Variants in DECR2 observed in about 807,000 individuals in gnomAD.
DECR2 encodes peroxisomal 2,4-dienoyl-CoA reductase [(3E)-enoyl-CoA-producing].
DECR2 carries 34 observed loss-of-function variants against 29.2 expected under a neutral mutation model. The observed-to-expected ratio is 1.16, with a 90% CI of 0.89 to 1.55. The LOEUF (loss-of-function observed/expected upper bound fraction) is 1.55, where lower values mean the gene tolerates loss of function less well. DECR2 is among the 40% of genes most tolerant of loss of function. DECR2 has a pLI of 0.00. For synonymous variants in DECR2, 224 were observed against 182.7 expected (o/e 1.23, Z -1.82); for missense variants, 485 against 425.3 (o/e 1.14, Z -1.23).
intron 3 of DECR2, chr16:407,091 G>A (rs1464345186): frequency 4.4e-6 from 5 of 1,124,244 alleles, no homozygotes; most frequent in African/African-American, 1.6e-5. Context: ...TGGTCCGTGC[G>A]TCCCACCTAC....
chr16:410,484 T>G lies in DECR2; in HGVS notation c.462+117T>G. Reference sequence around the variant, plus strand: ...TCTGTGAGAAGTTCTTCCGGGTGGGTGTACTCCCAGCGGGGGCCTCCCCCT... The same window carrying G: ...TCTGTGAGAAGTTCTTCCGGGTGGGGGTACTCCCAGCGGGGGCCTCCCCCT... On this transcript the variant is annotated intron_variant, in intron 5 of 8. Coordinates refer to ENST00000219481, the MANE Select transcript of DECR2 (RefSeq NM_020664.4). This position sits in a 1 kb window ranked among gnomAD's most constrained non-coding sequence, Gnocchi z 4.1. The G allele has an allele frequency of 4.8e-6, 7 of 1,466,724 alleles. No individual in the cohort carries two copies. The highest frequency in any genetic ancestry group is 3.8e-5 in the South Asian group (3 of 78,766). The allele number at this position is 1,466,724 out of a possible 1,614,324, so 90.9% of individuals were successfully genotyped here. A position where few individuals can be genotyped will look rare whatever the true frequency, so the allele number is the denominator to read the frequency against.
In DECR2 at chr16:406,571, C is replaced by T. The variant is rs933100016; in HGVS notation, c.201+174C>T. On this transcript the variant is annotated intron_variant, in intron 3 of 8. Transcript: ENST00000219481. ...GAAGTGTGGTGGTGCGATCTCGGCT[C>T]ACTGCAGCCTCCACCTCCCAGGATC... 2.2e-5 allele frequency: 15 copies of T among 671,402 alleles called. No individual in the cohort carries two copies. In the East Asian group the frequency reaches 3.1e-4, roughly 14 times the overall value. 41.6% of individuals were successfully genotyped at this position (671,402 alleles called of 1,614,324 possible).
intron 4 of DECR2, among the ~76,000 whole-genome samples, chr16:408,151 G>A (rs112983360): frequency 0.011 from 436 of 41,366 alleles, 104 homozygotes; most frequent in African/African-American, 0.032. Context: ...CTCTGTCTCC[G>A]GCCCCCTGTC....
chr16:409,091 G>A (rs926848757), intron 4 of DECR2, among the ~76,000 whole-genome samples: 2 of 151,018 alleles, frequency 1.3e-5, no homozygotes, highest in Non-Finnish European at 1.5e-5. Context: ...CTTGGCTTCC[G>A]AAAGTGCTGG....
chr16:407,636 A>ATGGGG, intron 4 of DECR2, 76 bp downstream of exon 4: 1 of 1,580,946 alleles, frequency 6.3e-7, no homozygotes, highest in South Asian at 1.2e-5. Context: ...AACTCTGGTC[A>ATGGGG]TGGGGTGGGG....
At chr16:411,660 C>A in intron 8 of DECR2, 82 bp downstream of exon 8, 1 of 1,441,362 alleles carries the variant, frequency 6.9e-7, no homozygotes. Flanking sequence ...GCGGGACCCA[C>A]GGGGCTGGCG....
chr16:402,123 A>T, intron 1 of DECR2, 80 bp downstream of exon 1: 1 of 1,161,764 alleles, frequency 8.6e-7, no homozygotes, highest in Non-Finnish European at 1.1e-6. Context: ...GTGGTCCCCG[A>T]GGGCTCGCGT....
Position 410,402 on chromosome 16 carries a change from C to T in DECR2, c.462+35C>T, listed in dbSNP as rs369453909. ...TCGTGCGCTCTGTGAGAAGTTCTTC[C>T]GGGTGGGTGCCTCGTGCGCTCTGTG... is the stretch of plus-strand genomic sequence containing the variant. On this transcript the variant is annotated intron_variant, in intron 5 of 8. Coordinates refer to ENST00000219481, the MANE Select transcript of DECR2 (RefSeq NM_020664.4). This position sits in a 1 kb window ranked among gnomAD's most constrained non-coding sequence, Gnocchi z 4.1. 42 of 1,593,008 alleles carry T rather than the reference C, an allele frequency of 2.6e-5. No individual in the cohort carries two copies. Among genetic ancestry groups the T allele is most frequent in the Admixed American group, 2.0e-4 (12 of 59,600 alleles).
chr16:405,475 AAG>A (rs1349932131), intron 2 of DECR2: 1 of 1,250,844 alleles, frequency 8.0e-7, no homozygotes, highest in Non-Finnish European at 1.0e-6. Context: ...GTCCCACAGG[AAG>A]AGATATGGCC....
rs962153555 is a variant in DECR2 at position 402,063 on chromosome 16, C to T, written c.80+20C>T. 6 of 1,354,570 alleles carry T rather than the reference C, an allele frequency of 4.4e-6. No individual in the cohort carries two copies. The highest frequency in any genetic ancestry group is 3.5e-5 in the Admixed American group (1 of 28,904). 83.9% of individuals were successfully genotyped at this position (1,354,570 alleles called of 1,614,324 possible). On this transcript the variant is annotated intron_variant, in intron 1 of 8. Coordinates refer to ENST00000219481, the MANE Select transcript of DECR2 (RefSeq NM_020664.4). Reference sequence around the variant, plus strand: ...GCTGCGGTGAGCGGGGCCTGGGAAGCGAGCGCAGCCTTGGTGCGGGGTCCG... The same window carrying T: ...GCTGCGGTGAGCGGGGCCTGGGAAGTGAGCGCAGCCTTGGTGCGGGGTCCG...
intron 2 of DECR2, chr16:405,707 G>A (rs916152740): frequency 7.1e-5 from 66 of 924,600 alleles, no homozygotes; most frequent in Non-Finnish European, 9.6e-5. Flanking sequence ...CGTAGTCTTG[G>A]GTGGCTGTGA....
At position 401,902 on chromosome 16, in the gene DECR2, C is replaced by T. The variant is rs962052332; in HGVS notation, c.-62C>T. The T allele has an allele frequency of 2.9e-6, 4 of 1,390,290 alleles. No homozygotes were observed. Among genetic ancestry groups the T allele is most frequent in the African/African-American group, 1.5e-5 (1 of 66,262 alleles). The allele number at this position is 1,390,290 out of a possible 1,614,324, so 86.1% of individuals were successfully genotyped here. ...TTCCAGGCGAGTTCGCAGCTGCGCG[C>T]CGGGTCCTGGAGGCCGAGGCCGCTC... On this transcript the variant is annotated 5_prime_UTR_variant, in exon 1 of 9. Transcript: ENST00000219481.
intron 8 of DECR2, 139 bp downstream of exon 8, chr16:411,717 C>A: frequency 1.1e-6 from 1 of 938,658 alleles, no homozygotes. Flanking sequence ...CCTGCCCACA[C>A]ATGGGTGCTG....
rs750079467 is a variant in DECR2 at position 406,337 on chromosome 16, G to A, written c.150-9G>A. 8.7e-6 allele frequency: 14 copies of A among 1,606,442 alleles called. No individual in the cohort carries two copies. Among genetic ancestry groups the A allele is most frequent in the Non-Finnish European group, 1.1e-5 (13 of 1,179,896 alleles). ...CACACTGCCCTCACACCTGCTTCTG[G>A]TTTTGCAGGCACGGCTGCCATACGG... On this transcript the variant is annotated splice_polypyrimidine_tract_variant and intron_variant, in intron 2 of 8. Coordinates refer to ENST00000219481, the MANE Select transcript of DECR2 (RefSeq NM_020664.4).
intron 4 of DECR2, among the ~76,000 whole-genome samples, chr16:407,791 TCCGGG>T (rs2054746091): frequency 2.0e-3 from 3 of 1,474 alleles, no homozygotes; most frequent in African/African-American, 5.6e-3. Context: ...GGCCTCTGTC[TCCGGG>T]CTCTGTCTCC....
At chr16:409,353 C>G (rs1411920150) in intron 4 of DECR2, among the ~76,000 whole-genome samples, 1 of 149,238 alleles carries the variant, frequency 6.7e-6, no homozygotes, top group Non-Finnish European at 1.5e-5. Flanking sequence ...TGTATTTTTA[C>G]TAGAGATGGG....
chr16:410,603 G>A lies in DECR2; in HGVS notation c.463-88G>A, dbSNP rs576800459. The A allele has an allele frequency of 1.1e-4, 160 of 1,410,724 alleles. 1 individual carries two copies. The highest frequency in any genetic ancestry group is 1.4e-4 in the Non-Finnish European group (146 of 1,023,430). 87.4% of individuals were successfully genotyped at this position (1,410,724 alleles called of 1,614,324 possible). A position where few individuals can be genotyped will look rare whatever the true frequency, so the allele number is the denominator to read the frequency against. The stretch of plus-strand genomic sequence containing the variant: ...CTGACGGCCGCCCGCTCCCTGCCCC[G>A]GGCCTCCCCCTGACAGCCACCCGCT... On this transcript the variant is annotated intron_variant, in intron 5 of 8. Coordinates refer to ENST00000219481, the MANE Select transcript of DECR2 (RefSeq NM_020664.4). The surrounding 1 kb of genome is among the most constrained non-coding windows in gnomAD (Gnocchi z 4.1).
chr16:410,975 C>G lies in DECR2; in HGVS notation c.560C>G (p.Ala187Gly). ...TATCCAACTTTCTTCTGTGCAGACG[C>G]GATGACGCGGCACTTGGCTGTGGAG... ...HAGSAKAAVD[A>G]MTRHLAVEWG... is the part of the protein sequence containing the mutation. Residue 187 changes from alanine (A) to glycine (G), a missense_variant, in exon 7 of 9, where the codon GCG becomes GGG. By Grantham distance (60) the Ala-to-Gly change is moderately conservative. Transcript: ENST00000219481. The surrounding 1 kb of genome is among the most constrained non-coding windows in gnomAD (Gnocchi z 4.1). The G allele has an allele frequency of 5.0e-6, 8 of 1,596,858 alleles. No individual in the cohort carries two copies. The highest frequency in any genetic ancestry group is 6.8e-6 in the Non-Finnish European group (8 of 1,171,862).
Position 407,545 on chromosome 16 carries a change from G to A in DECR2, c.322G>A (p.Asp108Asn), listed in dbSNP as rs201873425. The A allele has an allele frequency of 3.7e-5, 59 of 1,613,854 alleles. No homozygotes were observed. The African/African-American group carries it at 5.6e-4, about 15-fold the overall frequency. Reference protein sequence around the residue: ...DQALKEFGRIDILINCAAGNF... With the variant: ...DQALKEFGRINILINCAAGNF... ...GGCTCTGAAGGAGTTTGGCAGAATCGACATTCTCATTAACTGTGAGTCGGT... is the reference window on the plus strand; with the variant it reads ...GGCTCTGAAGGAGTTTGGCAGAATCAACATTCTCATTAACTGTGAGTCGGT... Residue 108 changes from aspartate to asparagine, a missense_variant, in exon 4 of 9, where the codon GAC (aspartate) becomes AAC (asparagine). Transcript: ENST00000219481.
Sources: gnomAD v4.1 joint callset for allele counts (sites outside exome capture counted in the v4.1 genomes callset) on GRCh38, gnomAD v4.1.1 for gene constraint, Gnocchi (gnomAD v3.1) non-coding constraint, MANE v1.5 for transcripts, NCBI Gene and HGNC (gene_info 2026-07-23, HGNC 2026-07-21) for gene names.